Variants in ITGB6 observed in about 807,000 individuals in gnomAD.
ITGB6 encodes the protein integrin beta-6.
A neutral mutation model predicts 84.5 loss-of-function variants in ITGB6; 80 were observed. That is an observed-to-expected ratio of 0.95 (90% CI 0.79 to 1.14). The LOEUF (loss-of-function observed/expected upper bound fraction) is 1.14. Ranked by LOEUF, ITGB6 falls within the 50% of genes most tolerant of loss-of-function variation. ITGB6 has a pLI of 0.00. For synonymous variants in ITGB6, 383 were observed against 354.9 expected, an observed-to-expected ratio of 1.08 and a Z score of -0.89; for missense variants, 1,006 against 968.0, an observed-to-expected ratio of 1.04 and a Z score of -0.52.
intron 4 of ITGB6, among the ~76,000 whole-genome samples, chr2:160,193,046 A>G (rs1686202001): frequency 6.6e-6 from 1 of 152,200 alleles, no homozygotes; most frequent in African/African-American, 2.4e-5. Context: ...AGGAAATGCA[A>G]AATGGTATGT....
rs1419426998 is a variant in ITGB6 at position 160,139,074 on chromosome 2, G to A, written c.1108-875C>T. Among the ~76,000 whole-genome samples the A allele has an allele frequency of 2.6e-5, 4 of 151,950 alleles. No individual in the cohort carries two copies. In the East Asian group the frequency reaches 7.7e-4, roughly 29 times the overall value. On this transcript the variant is annotated intron_variant, in intron 8 of 14. Coordinates refer to ENST00000283249, the MANE Select transcript of ITGB6 (RefSeq NM_000888.5). ...GTATTTAGTGTAGAGTTAGGTCTGG[G>A]GAATACTATAAGAATGCTTTCTTTC...
chr2:160,170,470 C>A (rs1036821552), intron 6 of ITGB6, among the ~76,000 whole-genome samples: 1 of 152,204 alleles, frequency 6.6e-6, no homozygotes, highest in Non-Finnish European at 1.5e-5. Context: ...ATGCCTAAAT[C>A]CCTCCAGTGC....
At chr2:160,196,893 G>A (rs917071504) in intron 2 of ITGB6, among the ~76,000 whole-genome samples, 1 of 151,966 alleles carries the variant, frequency 6.6e-6, no homozygotes, top group Non-Finnish European at 1.5e-5. Flanking sequence ...AAGGGCTCCA[G>A]GGTGTCAATC....
intron 12 of ITGB6, among the ~76,000 whole-genome samples, chr2:160,116,225 T>C (rs554183639): frequency 8.6e-4 from 131 of 151,826 alleles, no homozygotes; most frequent in African/African-American, 2.9e-3. Flanking sequence ...TTCACCAAAG[T>C]TGAAATTAAG....
chr2:160,163,631 CAAA>C (rs11335168), intron 7 of ITGB6, among the ~76,000 whole-genome samples: 27 of 137,930 alleles, frequency 2.0e-4, no homozygotes, highest in Admixed American at 3.5e-4. Flanking sequence ...GACTTTGTCT[CAAA>C]AAAAAAAAAA....
At chr2:160,174,588 A>G (rs1310668416) in intron 4 of ITGB6, among the ~76,000 whole-genome samples, 1 of 151,912 alleles carries the variant, frequency 6.6e-6, no homozygotes, top group Non-Finnish European at 1.5e-5. Context: ...TCCCTCCTGT[A>G]CTCCCAGGTC....
At chr2:160,191,346 A>C (rs542075036) in intron 4 of ITGB6, among the ~76,000 whole-genome samples, 1 of 152,290 alleles carries the variant, frequency 6.6e-6, no homozygotes, top group South Asian at 2.1e-4. Flanking sequence ...GGCAGCTAGC[A>C]ATGTGCTTCC....
rs371257499 is a variant in ITGB6, at chr2:160,196,233, A to G, written c.329T>C (p.Ile110Thr). Residue 110 changes from isoleucine (I) to threonine (T), a missense_variant, in exon 3 of 15, where the codon ATC (isoleucine) becomes ACC (threonine). Transcript: ENST00000283249. ...TAACATACCTGGTCTCAACTTAAGG[A>G]TCAAGCTTTGAGGCGCAATCTGAAC... ...DIVQIAPQSL[I>T]LKLRPGGAQT... is the part of the protein sequence containing the mutation. 9 of 1,614,018 alleles carry G rather than the reference A, an allele frequency of 5.6e-6. No individual in the cohort carries two copies. The African/African-American group carries it at 1.1e-4, about 19-fold the overall frequency.
intron 7 of ITGB6, among the ~76,000 whole-genome samples, chr2:160,147,601 C>G (rs1402851555): frequency 6.6e-6 from 1 of 152,006 alleles, no homozygotes; most frequent in Non-Finnish European, 1.5e-5. Flanking sequence ...TGAAGCAATC[C>G]AAAGAGTGTG....
chr2:160,189,847 T>C (rs1686065775), intron 4 of ITGB6, among the ~76,000 whole-genome samples: 2 of 152,146 alleles, frequency 1.3e-5, no homozygotes, highest in African/African-American at 4.8e-5. Context: ...AGCCATCCCA[T>C]TACTGGGTAT....
At position 160,137,791 on chromosome 2, in the gene ITGB6, T is replaced by C; in HGVS notation, c.1303A>G (p.Ile435Val). ...GCATCCCCCAGCCCCACAGGCTTTA[T>C]GATAATGTGCCTGCTTCTTCTCTCG... ...HCERRSRHII[I>V]KPVGLGDALE... is the part of the protein sequence containing the mutation. Residue 435 changes from isoleucine (I) to valine (V), a missense_variant, in exon 10 of 15, where the codon ATA becomes GTA. Ile to Val is a conservative substitution (Grantham distance 29). Transcript: ENST00000283249. 2 of 1,614,200 alleles carry C rather than the reference T, an allele frequency of 1.2e-6. No individual in the cohort carries two copies. Among genetic ancestry groups the C allele is most frequent in the African/African-American group, 1.3e-5 (1 of 75,066 alleles).
chr2:160,135,282 G>A (rs1347718780), intron 10 of ITGB6, among the ~76,000 whole-genome samples: 32 of 152,026 alleles, frequency 2.1e-4, no homozygotes, highest in Admixed American at 1.0e-3. Context: ...GAGCCAAATC[G>A]CGAGTGAACT....
chr2:160,140,472 C>T (rs988990338), intron 8 of ITGB6, among the ~76,000 whole-genome samples: 4 of 152,178 alleles, frequency 2.6e-5, no homozygotes, highest in Non-Finnish European at 5.9e-5. Context: ...GTTTTCTAAT[C>T]TGCTTAGTTT....
rs749859267 is a variant in ITGB6, at chr2:160,196,427, A to G, written c.142-7T>C. 8 of 1,588,554 alleles carry G rather than the reference A, an allele frequency of 5.0e-6. No homozygotes were observed. Among genetic ancestry groups the G allele is most frequent in the Non-Finnish European group, 6.9e-6 (8 of 1,167,116 alleles). ...CAGATGGATGAGTAAAATTCTAAAA[A>G]AGAAAAAGAAAAACAATAACCAGAA... On this transcript the variant is annotated splice_polypyrimidine_tract_variant and splice_region_variant and intron_variant, in intron 2 of 14. Coordinates refer to ENST00000283249, the MANE Select transcript of ITGB6 (RefSeq NM_000888.5).
At chr2:160,196,825 T>C (rs1037872141) in intron 2 of ITGB6, among the ~76,000 whole-genome samples, 1 of 152,026 alleles carries the variant, frequency 6.6e-6, no homozygotes, top group Non-Finnish European at 1.5e-5. Flanking sequence ...GGGTGACCTG[T>C]AGGTTTGATT....
intron 7 of ITGB6, among the ~76,000 whole-genome samples, chr2:160,157,744 G>A (rs924826286): frequency 2.7e-4 from 28 of 104,244 alleles, no homozygotes; most frequent in African/African-American, 9.7e-4. Flanking sequence ...CAAAAGCACA[G>A]AGGCAAAAAA....
At chr2:160,103,798 C>T (rs532273639) in intron 14 of ITGB6, among the ~76,000 whole-genome samples, 2 of 152,236 alleles carry the variant, frequency 1.3e-5, no homozygotes, top group African/African-American at 4.8e-5. Flanking sequence ...AGGAAGCTCC[C>T]ACCTTTGTGA....
chr2:160,107,843 A>C lies in ITGB6; in HGVS notation c.2104T>G (p.Cys702Gly). 6.4e-7 allele frequency: 1 copy of C among 1,574,690 alleles called. No individual in the cohort carries two copies. The highest frequency in any genetic ancestry group is 8.7e-7 in the Non-Finnish European group (1 of 1,155,824). ...TIIHSINEKD[C>G]PKPPNIPMIM... ...ATGGGAATGTTTGGAGGCTTCGGACAATCTGCAGAAATAAAGAAAATTATA... is the reference window on the plus strand; with the variant it reads ...ATGGGAATGTTTGGAGGCTTCGGACCATCTGCAGAAATAAAGAAAATTATA... The change falls in exon 14 of 15, where the codon TGT (cysteine) becomes GGT (glycine). Residue 702 changes from cysteine (C) to glycine (G), a missense_variant and splice_region_variant. Physicochemically the swap from Cys to Gly is radical, Grantham distance 159 (BLOSUM62 -3). Transcript: ENST00000283249.
Position 160,106,886 on chromosome 2 carries a change from A to G in ITGB6, c.2268+793T>C, listed in dbSNP as rs1696929516. On this transcript the variant is annotated intron_variant, in intron 14 of 14. Coordinates refer to ENST00000283249, the MANE Select transcript of ITGB6 (RefSeq NM_000888.5). Reference sequence around the variant, plus strand: ...TACCTGTATTTTCTCCAGTGATATCATTGTTGTTAGAATCAGCAATGTAAG... The same window carrying G: ...TACCTGTATTTTCTCCAGTGATATCGTTGTTGTTAGAATCAGCAATGTAAG... Among the ~76,000 whole-genome samples the G allele has an allele frequency of 2.0e-5, 3 of 152,166 alleles. No homozygotes were observed. The South Asian group carries it at 6.2e-4, about 32-fold the overall frequency.
Sources: gnomAD v4.1 joint callset for allele counts (sites outside exome capture counted in the v4.1 genomes callset) on GRCh38, gnomAD v4.1.1 for gene constraint, MANE v1.5 for transcripts, NCBI Gene and HGNC (gene_info 2026-07-23, HGNC 2026-07-21) for gene names.